Variants in MAPK10 observed in about 807,000 individuals in gnomAD.
The protein encoded by MAPK10 is JNK3 alpha protein kinase.
In MAPK10, 25 loss-of-function variants were observed where a neutral mutation model predicts 59.3. The observed-to-expected ratio is 0.42, with a 90% confidence interval of 0.31 to 0.59. The LOEUF (loss-of-function observed/expected upper bound fraction) is 0.59, where lower values mean the gene tolerates loss of function less well. Ranked by LOEUF, MAPK10 falls within the 20% of genes least tolerant of loss-of-function variation. The probability of loss-of-function intolerance (pLI) is 0.15; values close to 1 mark genes in which losing one functional copy is unlikely to be tolerated. For synonymous variants in MAPK10, 190 were observed against 200.5 expected (o/e 0.95, Z 0.44); for missense variants, 351 against 568.9 (o/e 0.62, Z 3.90).
intron 1 of MAPK10, among the ~76,000 whole-genome samples, chr4:86,446,368 C>G (rs1037593882): frequency 1.3e-5 from 2 of 152,100 alleles, no homozygotes; most frequent in Non-Finnish European, 2.9e-5. Flanking sequence ...ATTACATTAC[C>G]TAACACATTC....
intron 1 of MAPK10, among the ~76,000 whole-genome samples, chr4:86,472,241 T>C (rs1477948768): frequency 6.6e-6 from 1 of 152,250 alleles, no homozygotes; most frequent in Non-Finnish European, 1.5e-5. Flanking sequence ...TGATATTATG[T>C]ATTCTACAAT....
intron 2 of MAPK10, among the ~76,000 whole-genome samples, chr4:86,281,652 A>T (rs2094812427): frequency 6.6e-6 from 1 of 152,158 alleles, no homozygotes; most frequent in South Asian, 2.1e-4. Flanking sequence ...TGTTTGAGAC[A>T]ATAAGCTAAA....
At chr4:86,327,355 T>C (rs898311956) in intron 2 of MAPK10, 1 of 152,090 alleles carries the variant, frequency 6.6e-6, no homozygotes, top group African/African-American at 2.4e-5. Flanking sequence ...CAGGGATACC[T>C]TTAATTTTTT....
chr4:86,184,306 A>G (rs2077635861), intron 3 of MAPK10, among the ~76,000 whole-genome samples: 1 of 152,070 alleles, frequency 6.6e-6, no homozygotes, highest in Non-Finnish European at 1.5e-5. Flanking sequence ...TGTTAATGGC[A>G]AGTAAATGGC....
Position 86,485,022 on chromosome 4 carries a change from T to A in MAPK10, c.-263+108888A>T, listed in dbSNP as rs576075131. On this transcript the variant is annotated intron_variant, in intron 1 of 4. Coordinates refer to the MAPK10 transcript ENST00000502302. The stretch of plus-strand genomic sequence containing the variant: ...AGTAAGATATGTCAGATAAGAGATA[T>A]TTACAAGGTCGGATGAATAGGACTA... Among the ~76,000 whole-genome samples the A allele has an allele frequency of 3.9e-5, 6 of 152,310 alleles. No homozygotes were observed. In the South Asian group the frequency reaches 1.2e-3, roughly 32 times the overall value.
chr4:86,248,408 G>GT (rs1175560548), intron 2 of MAPK10, among the ~76,000 whole-genome samples: 4 of 152,034 alleles, frequency 2.6e-5, no homozygotes, highest in Admixed American at 2.6e-4. Flanking sequence ...TCAGTAATTA[G>GT]TTTTTTTAAA....
intron 3 of MAPK10, among the ~76,000 whole-genome samples, chr4:86,169,164 C>A (rs1233349720): frequency 6.6e-6 from 1 of 152,186 alleles, no homozygotes; most frequent in Non-Finnish European, 1.5e-5. Flanking sequence ...CGACTCTCCT[C>A]CTCCAAAGGA....
intron 7 of MAPK10, chr4:86,101,553 A>G: frequency 2.6e-6 from 1 of 381,740 alleles, no homozygotes; most frequent in South Asian, 4.1e-5. Context: ...GGCCTGACAG[A>G]AGAACAGATC....
intron 1 of MAPK10, among the ~76,000 whole-genome samples, chr4:86,437,576 T>G (rs1748916781): frequency 6.6e-6 from 1 of 152,218 alleles, no homozygotes; most frequent in Non-Finnish European, 1.5e-5. Flanking sequence ...CCTTTACTGT[T>G]GTGTCTTTGT....
intron 9 of MAPK10, among the ~76,000 whole-genome samples, chr4:86,097,463 A>G (rs1475083808): frequency 1.3e-5 from 2 of 151,962 alleles, no homozygotes; most frequent in Non-Finnish European, 2.9e-5. Context: ...TACATAATAG[A>G]AGGATTCCTT....
At chr4:86,023,218 A>G (rs1034820135) in intron 13 of MAPK10, among the ~76,000 whole-genome samples, 1 of 152,228 alleles carries the variant, frequency 6.6e-6, no homozygotes, top group African/African-American at 2.4e-5. Context: ...CATGTCTTAC[A>G]TCCTTATCAG....
rs561278864 is a variant in MAPK10, at chr4:86,055,994, A to G, written c.1110+8272T>C. Among the ~76,000 whole-genome samples the G allele has an allele frequency of 1.5e-4, 22 of 150,262 alleles. 2 individuals are homozygous for G. Among genetic ancestry groups the G allele is most frequent in the African/African-American group, 5.5e-4 (22 of 40,272 alleles). The stretch of plus-strand genomic sequence containing the variant: ...CCTGTGGGGAAAATCAGGAAACAAA[A>G]ACTGTAGTTTCAGAATTTCAGATGG... On this transcript the variant is annotated intron_variant, in intron 11 of 13. Transcript: ENST00000641462.
At chr4:86,285,218 T>C (rs2148808813) in intron 2 of MAPK10, among the ~76,000 whole-genome samples, 1 of 151,948 alleles carries the variant, frequency 6.6e-6, no homozygotes, top group East Asian at 1.9e-4. Context: ...GTATTCTAAA[T>C]GACACTTTTT....
At chr4:86,541,917 C>T (rs1013407498) in intron 1 of MAPK10, among the ~76,000 whole-genome samples, 4 of 145,930 alleles carry the variant, frequency 2.7e-5, no homozygotes, top group African/African-American at 1.0e-4. Context: ...ATATATAATC[C>T]CAATTTTGTA....
intron 2 of MAPK10, among the ~76,000 whole-genome samples, chr4:86,224,879 A>G (rs1266651987): frequency 6.6e-6 from 1 of 152,230 alleles, no homozygotes; most frequent in Non-Finnish European, 1.5e-5. Context: ...TACAGAAATA[A>G]CATCTTAAAT....
chr4:86,420,238 C>A (rs1038181105), intron 1 of MAPK10, among the ~76,000 whole-genome samples: 1 of 152,126 alleles, frequency 6.6e-6, no homozygotes, highest in African/African-American at 2.4e-5. Context: ...CACATGTAAG[C>A]CCACTTCTCA....
intron 9 of MAPK10, among the ~76,000 whole-genome samples, chr4:86,083,864 AC>A (rs1466949647): frequency 1.3e-5 from 2 of 152,068 alleles, no homozygotes; most frequent in Admixed American, 6.6e-5. Context: ...TATCAGCTCA[AC>A]CACAGTAGGC....
chr4:86,227,390 G>A (rs756246419), intron 2 of MAPK10, among the ~76,000 whole-genome samples: 1 of 151,494 alleles, frequency 6.6e-6, no homozygotes, highest in Non-Finnish European at 1.5e-5. Context: ...GGGAGGCTGA[G>A]GCAGGAGAAT....
At chr4:86,311,715 T>TA (rs1564252631) in intron 2 of MAPK10, among the ~76,000 whole-genome samples, 1 of 152,208 alleles carries the variant, frequency 6.6e-6, no homozygotes, top group South Asian at 2.1e-4. Flanking sequence ...CATGCCTCTC[T>TA]AAAAAGAGAA....
Sources: allele counts gnomAD v4.1 joint callset (sites outside exome capture counted in the v4.1 genomes callset), GRCh38; gene constraint gnomAD v4.1.1; transcripts MANE v1.5; gene names NCBI Gene and HGNC (gene_info 2026-07-23, HGNC 2026-07-21).